The following ZNF277 variants were observed in gnomAD, a reference collection of about 807,000 sequenced individuals.
The protein encoded by ZNF277 is nuclear receptor-interacting factor 4.
A neutral mutation model predicts 60.7 loss-of-function variants in ZNF277; 55 were observed. The observed-to-expected ratio is 0.91, with a 90% CI of 0.73 to 1.13. The LOEUF is 1.13. Ranked by LOEUF, ZNF277 falls within the 50% of genes most tolerant of loss-of-function variation. The probability of loss-of-function intolerance (pLI) is 0.00; values close to 1 mark genes in which losing one functional copy is unlikely to be tolerated. For synonymous variants in ZNF277, 178 were observed against 179.3 expected, an observed-to-expected ratio of 0.99 and a Z score of 0.06; for missense variants, 510 against 523.0, an observed-to-expected ratio of 0.98 and a Z score of 0.24.
chr7:112,230,730 T>C (rs1822301699), intron 1 of ZNF277, among the ~76,000 whole-genome samples: 1 of 152,230 alleles, frequency 6.6e-6, no homozygotes, highest in Admixed American at 6.5e-5. Context: ...TTACAGCTCA[T>C]AGCTTTTCCA....
chr7:112,333,568 G>A (rs930123242), intron 7 of ZNF277, among the ~76,000 whole-genome samples: 3 of 152,088 alleles, frequency 2.0e-5, no homozygotes, highest in Non-Finnish European at 4.4e-5. Flanking sequence ...CAACAATGAT[G>A]GGAACATCCA....
intron 1 of ZNF277, among the ~76,000 whole-genome samples, chr7:112,234,958 T>G (rs1192117339): frequency 6.6e-6 from 1 of 151,914 alleles, no homozygotes; most frequent in East Asian, 1.9e-4. Context: ...GAGTCTTATA[T>G]AGTAAGGAAA....
intron 1 of ZNF277, among the ~76,000 whole-genome samples, chr7:112,236,158 A>C (rs1459518484): frequency 1.3e-5 from 2 of 152,074 alleles, no homozygotes; most frequent in Non-Finnish European, 2.9e-5. Flanking sequence ...TAAGTTTGGA[A>C]ATCAGGTAAG....
chr7:112,272,745 C>T (rs902237951), intron 1 of ZNF277, among the ~76,000 whole-genome samples: 29 of 152,152 alleles, frequency 1.9e-4, no homozygotes, highest in African/African-American at 6.8e-4. Context: ...CCGCCCACCT[C>T]GGACTTCCAA....
At chr7:112,304,081 T>G (rs1006313917) in intron 4 of ZNF277, among the ~76,000 whole-genome samples, 1 of 152,144 alleles carries the variant, frequency 6.6e-6, no homozygotes, top group Non-Finnish European at 1.5e-5. Flanking sequence ...GTCATTGATA[T>G]GGATGGCTTT....
chr7:112,227,772 C>T (rs565661856), intron 1 of ZNF277, among the ~76,000 whole-genome samples: 1 of 151,984 alleles, frequency 6.6e-6, no homozygotes, highest in Non-Finnish European at 1.5e-5. Context: ...TGAAGCCATT[C>T]CTGAATGGCT....
intron 4 of ZNF277, among the ~76,000 whole-genome samples, chr7:112,307,223 T>C (rs905494232): frequency 2.6e-5 from 4 of 152,110 alleles, no homozygotes; most frequent in Non-Finnish European, 4.4e-5. Context: ...GGACCCCTTG[T>C]GTCTAGGACT....
At chr7:112,284,645 G>A (rs1228518608) in intron 1 of ZNF277, among the ~76,000 whole-genome samples, 3 of 152,188 alleles carry the variant, frequency 2.0e-5, no homozygotes, top group Non-Finnish European at 2.9e-5. Context: ...AAGGGCTTAT[G>A]TATTTTAAAT....
At chr7:112,296,661 G>A (rs1166667712) in intron 4 of ZNF277, among the ~76,000 whole-genome samples, 2 of 151,404 alleles carry the variant, frequency 1.3e-5, no homozygotes, top group African/African-American at 4.8e-5. Flanking sequence ...GAGTTGAATT[G>A]ATTAACCTTT....
chr7:112,249,640 G>A (rs1791159633), intron 1 of ZNF277, among the ~76,000 whole-genome samples: 3 of 152,148 alleles, frequency 2.0e-5, no homozygotes, highest in Admixed American at 6.5e-5. Context: ...TGGAGGGACC[G>A]GCTGAAGCCA....
chr7:112,318,654 C>T (rs755316238), intron 5 of ZNF277, among the ~76,000 whole-genome samples: 3 of 152,106 alleles, frequency 2.0e-5, no homozygotes, highest in Non-Finnish European at 4.4e-5. Context: ...AGTGGGGGCA[C>T]TGGTGATTCT....
Position 112,342,953 on chromosome 7 carries a change from T to C in ZNF277, c.*224T>C, listed in dbSNP as rs1793473850. ...GAAGTAGGAAAATAAGATGAAGACT[T>C]TGTATTTTGGCTGTAAAGTTTTATT... is the stretch of plus-strand genomic sequence containing the variant. On this transcript the variant is annotated 3_prime_UTR_variant, in exon 12 of 12. Transcript: ENST00000361822. 3.2e-6 allele frequency: 1 copy of C among 315,812 alleles called. No homozygotes were observed. Among genetic ancestry groups the C allele is most frequent in the African/African-American group, 2.1e-5 (1 of 46,658 alleles). The allele number at this position is 315,812 out of a possible 1,614,324, so 19.6% of individuals were successfully genotyped here.
intron 1 of ZNF277, among the ~76,000 whole-genome samples, chr7:112,237,741 A>C (rs1790838313): frequency 1.3e-5 from 2 of 152,168 alleles, no homozygotes; most frequent in Admixed American, 6.5e-5. Flanking sequence ...ATTCCACCAG[A>C]TATACAAAGA....
intron 1 of ZNF277, among the ~76,000 whole-genome samples, chr7:112,236,746 C>T (rs1790803047): frequency 6.6e-6 from 1 of 151,912 alleles, no homozygotes; most frequent in South Asian, 2.1e-4. Context: ...AATTACAACC[C>T]AAAAGGCAAT....
At chr7:112,209,444 G>A (rs1277590028) in intron 1 of ZNF277, among the ~76,000 whole-genome samples, 1 of 152,126 alleles carries the variant, frequency 6.6e-6, no homozygotes, top group Non-Finnish European at 1.5e-5. Context: ...ATTGAATTAA[G>A]TAACTGATAG....
intron 1 of ZNF277, among the ~76,000 whole-genome samples, chr7:112,243,597 A>G (rs1032247742): frequency 4.6e-5 from 7 of 152,168 alleles, no homozygotes; most frequent in African/African-American, 1.7e-4. Flanking sequence ...TCTAATCATC[A>G]GAGATGTGAA....
At chr7:112,271,181 A>T (rs1791661276) in intron 1 of ZNF277, among the ~76,000 whole-genome samples, 1 of 152,212 alleles carries the variant, frequency 6.6e-6, no homozygotes, top group Admixed American at 6.5e-5. Flanking sequence ...TGTACCATTT[A>T]TGTAAACTAG....
In ZNF277 at chr7:112,343,626, C is replaced by A. The variant is rs1793484977; in HGVS notation, c.*897C>A. ...GCATAATTTGGATATAATGAAGAAA[C>A]AGTCAAATCCAAGTTTGAGGCTGGG... On this transcript the variant is annotated 3_prime_UTR_variant, in exon 12 of 12. Transcript: ENST00000361822. 1.3e-5 allele frequency among the ~76,000 whole-genome samples: 2 copies of A among 151,916 alleles called. No individual in the cohort carries two copies. The highest frequency in any genetic ancestry group is 4.8e-5 in the African/African-American group (2 of 41,328).
At chr7:112,321,186 G>C (rs1183209660) in intron 5 of ZNF277, among the ~76,000 whole-genome samples, 1 of 151,838 alleles carries the variant, frequency 6.6e-6, no homozygotes, top group Admixed American at 6.6e-5. Context: ...CTCCCAAAGT[G>C]CTGGGATTAC....
Sources: gnomAD v4.1 joint callset for allele counts (sites outside exome capture counted in the v4.1 genomes callset) on GRCh38, gnomAD v4.1.1 for gene constraint, MANE v1.5 for transcripts, NCBI Gene and HGNC (gene_info 2026-07-23, HGNC 2026-07-21) for gene names.